Variants in CAMTA1 observed in about 807,000 individuals in gnomAD.
CAMTA1 encodes the protein calmodulin binding transcription activator 1, also known as calmodulin-binding transcription activator 1.
In CAMTA1, 27 loss-of-function variants were observed where a neutral mutation model predicts 170.9. That is an observed-to-expected ratio of 0.16 (90% CI 0.12 to 0.22). The LOEUF is 0.22. Among genes scored for constraint, CAMTA1 ranks in the 10% least tolerant of loss-of-function variants. CAMTA1 has a pLI of 1.00. For missense variants in CAMTA1, 1,619 were observed against 2,217.2 expected (o/e 0.73, Z 5.42); for synonymous variants, 833 against 891.5 (o/e 0.93, Z 1.17).
chr1:7,449,797 GAAAA>G (rs1297418234), intron 5 of CAMTA1, among the ~76,000 whole-genome samples: 4 of 147,774 alleles, frequency 2.7e-5, no homozygotes, highest in African/African-American at 9.9e-5. Context: ...AAGAAAGAAA[GAAAA>G]AAGAAAAGAA....
chr1:7,569,703 C>A (rs2095102443), intron 6 of CAMTA1, among the ~76,000 whole-genome samples: 3 of 151,902 alleles, frequency 2.0e-5, no homozygotes, highest in Admixed American at 1.3e-4. Flanking sequence ...ACATCACCAT[C>A]ATCATCACCA....
intron 3 of CAMTA1, chr1:6,871,990 G>C (rs1169229608): frequency 9.1e-6 from 11 of 1,203,426 alleles, no homozygotes; most frequent in Non-Finnish European, 1.2e-5. Context: ...TTCATTTTCT[G>C]TATTAAAATT....
intron 6 of CAMTA1, among the ~76,000 whole-genome samples, chr1:7,589,441 T>C (rs537678031): frequency 6.6e-6 from 1 of 152,316 alleles, no homozygotes; most frequent in African/African-American, 2.4e-5. Flanking sequence ...GGAGGACAGC[T>C]TGACTGTGGG....
chr1:6,943,377 G>A (rs1320310741), intron 3 of CAMTA1, among the ~76,000 whole-genome samples: 1 of 152,066 alleles, frequency 6.6e-6, no homozygotes, highest in African/African-American at 2.4e-5. Flanking sequence ...TGGCAGAGGG[G>A]AGGAGGCACC....
At chr1:7,699,560 T>A (rs1576990477) in intron 11 of CAMTA1, among the ~76,000 whole-genome samples, 2 of 152,238 alleles carry the variant, frequency 1.3e-5, no homozygotes, top group South Asian at 4.1e-4. Context: ...GGTCACATCA[T>A]AACTTTATAA....
intron 22 of CAMTA1, among the ~76,000 whole-genome samples, 188 bp downstream of exon 22, chr1:7,755,856 C>T (rs112896223): frequency 1.3e-5 from 2 of 152,328 alleles, no homozygotes; most frequent in African/African-American, 4.8e-5. Context: ...GGAGAACAGT[C>T]ACATACATTA....
chr1:6,807,198 A>G, intron 1 of CAMTA1: 1 of 446,808 alleles, frequency 2.2e-6, no homozygotes, highest in Non-Finnish European at 4.0e-6. Flanking sequence ...TTAAGGAGAA[A>G]AGTTCCAGGT....
intron 3 of CAMTA1, among the ~76,000 whole-genome samples, chr1:6,979,272 G>C (rs1353633744): frequency 6.6e-6 from 1 of 152,150 alleles, no homozygotes; most frequent in Non-Finnish European, 1.5e-5. Context: ...CCGGCACAGG[G>C]GGGCTTCCTA....
intron 5 of CAMTA1, among the ~76,000 whole-genome samples, chr1:7,301,986 C>T (rs1674837746): frequency 6.6e-6 from 1 of 152,144 alleles, no homozygotes; most frequent in Non-Finnish European, 1.5e-5. Flanking sequence ...GGTAAACTTC[C>T]AGGACTCGTT....
At chr1:6,919,168 A>C (rs149301000) in intron 3 of CAMTA1, among the ~76,000 whole-genome samples, 1 of 152,220 alleles carries the variant, frequency 6.6e-6, no homozygotes. Context: ...AGATGCTGGC[A>C]GGAGGAGGGA....
rs74224552 is a variant in CAMTA1, at chr1:7,466,290, G to A, written c.439-1540G>A. 5.7e-3 allele frequency among the ~76,000 whole-genome samples: 871 copies of A among 152,320 alleles called. 33 individuals are homozygous for A. The highest frequency in any genetic ancestry group is 0.051 in the Admixed American group (776 of 15,300). On this transcript the variant is annotated intron_variant, in intron 5 of 22. Transcript: ENST00000303635. ...TTTCTTAATAATAAATACATTTCAT[G>A]GGCAAGAATTGCAAGGGAATTGTTT... is the stretch of plus-strand genomic sequence containing the variant.
intron 5 of CAMTA1, among the ~76,000 whole-genome samples, chr1:7,356,954 G>C (rs1436499803): frequency 1.3e-5 from 2 of 152,200 alleles, no homozygotes; most frequent in African/African-American, 4.8e-5. Context: ...AGCTGCTGCT[G>C]TGATTGTCCA....
chr1:6,894,538 G>A (rs546027536), intron 3 of CAMTA1, among the ~76,000 whole-genome samples: 27 of 152,324 alleles, frequency 1.8e-4, no homozygotes, highest in East Asian at 7.7e-4. Flanking sequence ...CCTCTCAAGC[G>A]TCAGCCCTTC....
At chr1:7,382,830 TGATAGATAGATAGATA>T (rs36215258) in intron 5 of CAMTA1, 27,263 of 149,246 alleles carry the variant, frequency 0.18, 3,085 homozygotes, top group East Asian at 0.52. Context: ...GCTTCCTAGA[TGATAGATAGATAGATA>T]GATAGATAGA....
At chr1:7,693,266 A>C (rs1294842551) in intron 11 of CAMTA1, 1 of 152,170 alleles carries the variant, frequency 6.6e-6, no homozygotes. Context: ...TTACAGGGCA[A>C]CTCCTGTTTT....
intron 5 of CAMTA1, among the ~76,000 whole-genome samples, chr1:7,448,060 G>A (rs377503423): frequency 2.0e-4 from 30 of 152,336 alleles, no homozygotes; most frequent in Admixed American, 4.6e-4. Context: ...CTCTGCGGCC[G>A]CTGTCTTGAT....
At chr1:7,647,499 A>C (rs1394320707) in intron 7 of CAMTA1, among the ~76,000 whole-genome samples, 6 of 152,088 alleles carry the variant, frequency 3.9e-5, no homozygotes, top group South Asian at 2.1e-4. Context: ...TGGAGCTTGC[A>C]GGCGGGGGCC....
chr1:6,817,490 T>G (rs891270537), intron 1 of CAMTA1, among the ~76,000 whole-genome samples: 1 of 152,166 alleles, frequency 6.6e-6, no homozygotes, highest in South Asian at 2.1e-4. Context: ...GAACCACTTT[T>G]CCTAAGGTAT....
chr1:7,427,353 A>G (rs1023398026), intron 5 of CAMTA1, among the ~76,000 whole-genome samples: 16 of 152,262 alleles, frequency 1.1e-4, no homozygotes, highest in Non-Finnish European at 1.8e-4. Context: ...TGTAATATTT[A>G]TAAGTAGATT....
Sources: gnomAD v4.1 joint callset for allele counts (sites outside exome capture counted in the v4.1 genomes callset) on GRCh38, gnomAD v4.1.1 for gene constraint, MANE v1.5 for transcripts, NCBI Gene and HGNC (gene_info 2026-07-23, HGNC 2026-07-21) for gene names.